NINJ2: variants seen among roughly 807,000 people sequenced by gnomAD.
The protein encoded by NINJ2 is ninjurin 2.
NINJ2 carries 12 observed loss-of-function variants against 11.7 expected under a neutral mutation model. That is an observed-to-expected ratio of 1.02 (90% CI 0.66 to 1.66). The LOEUF (loss-of-function observed/expected upper bound fraction) is 1.66, where lower values mean the gene tolerates loss of function less well. Among genes scored for constraint, NINJ2 ranks in the 40% most tolerant of loss-of-function variants. The pLI is 0.00. For missense variants in NINJ2, 187 were observed against 181.8 expected (o/e 1.03, Z -0.16); for synonymous variants, 93 against 76.8 (o/e 1.21, Z -1.10).
intron 1 of NINJ2, among the ~76,000 whole-genome samples, chr12:617,547 G>A (rs1185433544): frequency 6.6e-6 from 1 of 152,206 alleles, no homozygotes; most frequent in East Asian, 1.9e-4. Flanking sequence ...GAGGATGCCT[G>A]TGCAGCTCTG....
rs1421998500 is a variant in NINJ2, at chr12:640,029, G to A, written c.33+23299C>T. On this transcript the variant is annotated intron_variant, in intron 1 of 3. Transcript: ENST00000305108. The surrounding 1 kb of genome is among the most constrained non-coding windows in gnomAD (Gnocchi z 4.0). ...TGTATTGGAGATGACACGGTGTTTAGTGCTGTTTCAGGTTAAGTCAGCGTC... is the reference window on the plus strand; with the variant it reads ...TGTATTGGAGATGACACGGTGTTTAATGCTGTTTCAGGTTAAGTCAGCGTC... Among the ~76,000 whole-genome samples the A allele has an allele frequency of 1.3e-5, 2 of 152,262 alleles. No homozygotes were observed. Among genetic ancestry groups the A allele is most frequent in the Non-Finnish European group, 2.9e-5 (2 of 68,044 alleles).
chr12:573,215 C>T (rs556656645), intron 1 of NINJ2, among the ~76,000 whole-genome samples: 18 of 151,596 alleles, frequency 1.2e-4, no homozygotes, highest in Non-Finnish European at 2.4e-4. Context: ...TTAGTAGAGA[C>T]GGGGTTTCAC....
intron 1 of NINJ2, chr12:590,517 A>G (rs117726460): frequency 0.042 from 6,420 of 152,376 alleles, 189 homozygotes; most frequent in Non-Finnish European, 0.063. Flanking sequence ...CAGTTGATGA[A>G]CAACTTTCCA....
chr12:573,524 G>A (rs1565619586), intron 1 of NINJ2, among the ~76,000 whole-genome samples: 1 of 151,788 alleles, frequency 6.6e-6, no homozygotes, highest in Non-Finnish European at 1.5e-5. Flanking sequence ...GGTTGCAGTG[G>A]GACAAGATTG....
In NINJ2 at chr12:622,791, T is replaced by A. The variant is rs528120572; in HGVS notation, c.33+40537A>T. 1.1e-4 allele frequency among the ~76,000 whole-genome samples: 17 copies of A among 152,186 alleles called. No individual in the cohort carries two copies. In the East Asian group the frequency reaches 1.9e-3, roughly 17 times the overall value. Reference sequence around the variant, plus strand: ...ACACGGATAGCTTTTCTTTTTTTTTTAATTTTAATTTTTTTCATGAATAAC... The same window carrying A: ...ACACGGATAGCTTTTCTTTTTTTTTAAATTTTAATTTTTTTCATGAATAAC... On this transcript the variant is annotated intron_variant, in intron 1 of 3. Transcript: ENST00000305108.
chr12:610,599 A>C (rs1230045105), intron 1 of NINJ2: 1 of 985,314 alleles, frequency 1.0e-6, no homozygotes, highest in Non-Finnish European at 1.2e-6. Flanking sequence ...TGTTCAGCCC[A>C]GCCACAGGAG....
At chr12:643,655 T>C (rs1937629686) in intron 1 of NINJ2, 1 of 988,004 alleles carries the variant, frequency 1.0e-6, no homozygotes, top group Non-Finnish European at 1.2e-6. Flanking sequence ...AGCCAACGTT[T>C]TGTTCTTAGC....
In NINJ2 at chr12:591,933, G is replaced by A. The variant is rs1166292519; in HGVS notation, c.34-25755C>T. On this transcript the variant is annotated intron_variant, in intron 1 of 3. Coordinates refer to ENST00000305108, the MANE Select transcript of NINJ2 (RefSeq NM_016533.6). The surrounding 1 kb of genome is among the most constrained non-coding windows in gnomAD (Gnocchi z 5.0). Reference sequence around the variant, plus strand: ...ACAGAGGCCCCCAGGCGTTTTTCCCGGGTCACTCCCTTTGCCCCTCCTGCT... The same window carrying A: ...ACAGAGGCCCCCAGGCGTTTTTCCCAGGTCACTCCCTTTGCCCCTCCTGCT... Among the ~76,000 whole-genome samples, 2 of 152,052 alleles carry A rather than the reference G, an allele frequency of 1.3e-5. No individual in the cohort carries two copies. Among genetic ancestry groups the A allele is most frequent in the East Asian group, 1.9e-4 (1 of 5,194 alleles).
intron 1 of NINJ2, among the ~76,000 whole-genome samples, chr12:598,044 G>A (rs11063794): frequency 0.37 from 55,736 of 152,128 alleles, 10,999 homozygotes; most frequent in African/African-American, 0.52. Flanking sequence ...TTGGTCTCTC[G>A]TATATAAACA....
chr12:616,798 C>T lies in NINJ2; in HGVS notation c.33+46530G>A, dbSNP rs117429032. Among the ~76,000 whole-genome samples the T allele has an allele frequency of 2.4e-4, 37 of 152,282 alleles. No homozygotes were observed. The East Asian group carries it at 7.1e-3, about 29-fold the overall frequency. ...TCTACACAATAGCATCTGATGTGAC[C>T]TAAGTGTGGAGACAAGAATCCCTAG... is the stretch of plus-strand genomic sequence containing the variant. On this transcript the variant is annotated intron_variant, in intron 1 of 3. Coordinates refer to ENST00000305108, the MANE Select transcript of NINJ2 (RefSeq NM_016533.6).
intron 1 of NINJ2, among the ~76,000 whole-genome samples, chr12:617,345 T>C (rs1948105046): frequency 6.6e-6 from 1 of 152,116 alleles, no homozygotes; most frequent in African/African-American, 2.4e-5. Context: ...TCAGAGCACG[T>C]CCTCCCCTCA....
chr12:630,468 G>C (rs1592107151), intron 1 of NINJ2, among the ~76,000 whole-genome samples: 1 of 151,632 alleles, frequency 6.6e-6, no homozygotes, highest in Non-Finnish European at 1.5e-5. Context: ...TCCATCTCCC[G>C]GGTTCAAGCG....
chr12:612,367 C>G (rs1388135993), intron 1 of NINJ2, among the ~76,000 whole-genome samples: 1 of 152,140 alleles, frequency 6.6e-6, no homozygotes, highest in Non-Finnish European at 1.5e-5. Context: ...TTCCACACAC[C>G]TAGGAGGTAG....
intron 1 of NINJ2, among the ~76,000 whole-genome samples, chr12:611,552 G>C (rs1036110531): frequency 2.6e-5 from 4 of 152,206 alleles, no homozygotes; most frequent in Admixed American, 2.6e-4. Flanking sequence ...TGGCCAGGCT[G>C]GTCTCGAACT....
intron 1 of NINJ2, among the ~76,000 whole-genome samples, chr12:574,409 T>G (rs1246794887): frequency 6.6e-6 from 1 of 152,114 alleles, no homozygotes; most frequent in Non-Finnish European, 1.5e-5. Flanking sequence ...CCCCTAAAGT[T>G]TATGGGTTGG....
At chr12:615,230 T>A (rs1236365417) in intron 1 of NINJ2, among the ~76,000 whole-genome samples, 1 of 152,188 alleles carries the variant, frequency 6.6e-6, no homozygotes, top group Non-Finnish European at 1.5e-5. Context: ...CACCTTATAT[T>A]TACCAAGAGG....
chr12:649,140 G>A (rs573698100), intron 1 of NINJ2, among the ~76,000 whole-genome samples: 4 of 151,672 alleles, frequency 2.6e-5, no homozygotes, highest in Admixed American at 6.6e-5. Context: ...TCCGCCTCCC[G>A]GGTTCAAGTG....
At chr12:600,881 T>C (rs1288554266) in intron 1 of NINJ2, among the ~76,000 whole-genome samples, 2 of 152,164 alleles carry the variant, frequency 1.3e-5, no homozygotes, top group Non-Finnish European at 2.9e-5. Context: ...TTCTATTTGT[T>C]AGGGTTGTTC....
At chr12:616,863 T>C (rs1948097264) in intron 1 of NINJ2, among the ~76,000 whole-genome samples, 1 of 152,310 alleles carries the variant, frequency 6.6e-6, no homozygotes, top group South Asian at 2.1e-4. Flanking sequence ...AAAGCTTACC[T>C]TGGCATCTCA....
Sources: allele counts gnomAD v4.1 joint callset (sites outside exome capture counted in the v4.1 genomes callset), GRCh38; gene constraint gnomAD v4.1.1; non-coding constraint Gnocchi (gnomAD v3.1); transcripts MANE v1.5; gene names NCBI Gene and HGNC (gene_info 2026-07-23, HGNC 2026-07-21).